Variants in ADAMTS14 observed in about 807,000 individuals in gnomAD.
ADAMTS14 encodes the protein ADAM metallopeptidase with thrombospondin type 1 motif 14.
ADAMTS14 carries 100 observed loss-of-function variants against 128.6 expected under a neutral mutation model. The ratio of observed to expected loss-of-function variants is 0.78; its 90% CI spans 0.66 to 0.92. The LOEUF is 0.92. Ranked by LOEUF, ADAMTS14 falls within the 40% of genes least tolerant of loss-of-function variation. The probability of loss-of-function intolerance (pLI) is 0.00; values close to 1 mark genes in which losing one functional copy is unlikely to be tolerated. For synonymous variants in ADAMTS14, 665 were observed against 653.8 expected (o/e 1.02, Z -0.26); for missense variants, 1,562 against 1,658.6 (o/e 0.94, Z 1.01).
At chr10:70,678,926 C>A (rs529584951) in intron 2 of ADAMTS14, among the ~76,000 whole-genome samples, 1 of 151,924 alleles carries the variant, frequency 6.6e-6, no homozygotes, top group Admixed American at 6.6e-5. Flanking sequence ...ATGCCTAACA[C>A]TGGGGTATGG....
At chr10:70,697,161 C>T (rs1439762282) in intron 2 of ADAMTS14, among the ~76,000 whole-genome samples, 1 of 152,246 alleles carries the variant, frequency 6.6e-6, no homozygotes, top group Non-Finnish European at 1.5e-5. Context: ...CTACTTTCTC[C>T]TCTGGGGAAG....
At chr10:70,735,067 A>G (rs1841781350) in intron 8 of ADAMTS14, 102 bp from the exon 9 acceptor site, 2 of 1,466,954 alleles carry the variant, frequency 1.4e-6, no homozygotes, top group African/African-American at 2.8e-5. Flanking sequence ...AGCGGGTGCA[A>G]ATTCTTGCAG....
At chr10:70,716,221 G>A (rs1229765022) in intron 4 of ADAMTS14, among the ~76,000 whole-genome samples, 1 of 152,216 alleles carries the variant, frequency 6.6e-6, no homozygotes, top group Non-Finnish European at 1.5e-5. Context: ...CTGGAAGGCC[G>A]CTAGAGGCTA....
rs772830443 is a variant in ADAMTS14 at position 70,707,540 on chromosome 10, T to G, written c.680-1048T>G. 1.4e-4 allele frequency among the ~76,000 whole-genome samples: 22 copies of G among 152,084 alleles called. 1 individual carries two copies. The highest frequency in any genetic ancestry group is 1.2e-4 in the Non-Finnish European group (8 of 68,022). ...CCCTCACTCCACCGCCCCAGCAGAG[T>G]GTATTCTATCTTCATTCAGGCTATA... On this transcript the variant is annotated intron_variant, in intron 3 of 21. Coordinates refer to ENST00000373207, the MANE Select transcript of ADAMTS14 (RefSeq NM_080722.4).
chr10:70,708,841 ACT>A, intron 4 of ADAMTS14, 63 bp downstream of exon 4: 2 of 1,263,062 alleles, frequency 1.6e-6, no homozygotes, highest in African/African-American at 1.5e-5. Context: ...ACCCCACCCC[ACT>A]GGGCCCCAGT....
rs548508597 is a variant in ADAMTS14, at chr10:70,717,965, G to T, written c.870+9187G>T. ...GAGCCCCTTTCTGAGCCTGGGGCCT[G>T]CTCAGATGGCCTGTATAGAAGAGCT... On this transcript the variant is annotated intron_variant, in intron 4 of 21. Transcript: ENST00000373207. Among the ~76,000 whole-genome samples, 14 of 152,316 alleles carry T rather than the reference G, an allele frequency of 9.2e-5. No individual in the cohort carries two copies. In the South Asian group the frequency reaches 2.9e-3, roughly 32 times the overall value.
chr10:70,687,323 C>T (rs1205642728), intron 2 of ADAMTS14, among the ~76,000 whole-genome samples: 4 of 94,968 alleles, frequency 4.2e-5, no homozygotes, highest in Non-Finnish European at 6.7e-5. Context: ...GGGCGGCTGG[C>T]CGGGCGGGGG....
intron 2 of ADAMTS14, among the ~76,000 whole-genome samples, chr10:70,678,083 C>T (rs956023102): frequency 6.6e-6 from 1 of 152,194 alleles, no homozygotes; most frequent in African/African-American, 2.4e-5. Context: ...CTTCCTGTGG[C>T]CCAGACACAG....
chr10:70,709,960 C>T (rs534575224), intron 4 of ADAMTS14, among the ~76,000 whole-genome samples: 3 of 152,242 alleles, frequency 2.0e-5, no homozygotes, highest in African/African-American at 7.2e-5. Flanking sequence ...TGGCCTTTGT[C>T]AGGGTGCCTG....
intron 2 of ADAMTS14, among the ~76,000 whole-genome samples, chr10:70,675,770 G>T (rs1191670271): frequency 1.3e-5 from 2 of 152,214 alleles, no homozygotes; most frequent in Non-Finnish European, 2.9e-5. Flanking sequence ...TCCCCTCGCT[G>T]CTCCTCCTCA....
At position 70,751,573 on chromosome 10, in the gene ADAMTS14, G is replaced by A. The variant is rs139419971; in HGVS notation, c.2523G>A (p.Val841=). The part of the protein sequence containing the change: ...DLLPLIGSNN[V]LLEEMDTYEW... ...TGCCCCTTATCGGGAGCAACAATGT[G>A]CTCCTGGAGGAGATGGACACCTATG... The change falls in exon 17 of 22, where the codon GTG becomes GTA. Residue 841 remains valine (V), a synonymous_variant. Transcript: ENST00000373207. 95 of 1,613,928 alleles carry A rather than the reference G, an allele frequency of 5.9e-5. No homozygotes were observed. In the African/African-American group the frequency reaches 1.1e-3, roughly 18 times the overall value.
At chr10:70,741,246 T>C in intron 12 of ADAMTS14, 84 bp downstream of exon 12, 1 of 1,475,322 alleles carries the variant, frequency 6.8e-7, no homozygotes. Context: ...CTCCTACCCC[T>C]ACATACACCA....
chr10:70,757,119 T>C (rs1261879298), intron 19 of ADAMTS14, among the ~76,000 whole-genome samples: 2 of 152,084 alleles, frequency 1.3e-5, no homozygotes, highest in African/African-American at 2.4e-5. Flanking sequence ...ATCTAAAAGG[T>C]GACCCAGTCA....
rs72814543 is a variant in ADAMTS14, at chr10:70,694,559, C to T, written c.523-7753C>T. On this transcript the variant is annotated intron_variant, in intron 2 of 21. Coordinates refer to ENST00000373207, the MANE Select transcript of ADAMTS14 (RefSeq NM_080722.4). ...ACATTACCCCAGCCCTTGGCAGTGA[C>T]GAATCTACTTTCTATCTCTGTGGAT... Among the ~76,000 whole-genome samples, 601 of 152,234 alleles carry T rather than the reference C, an allele frequency of 3.9e-3. 4 individuals carry two copies. Among genetic ancestry groups the T allele is most frequent in the South Asian group, 7.5e-3 (36 of 4,810 alleles).
chr10:70,702,619 G>T (rs1194631460), intron 3 of ADAMTS14, 151 bp downstream of exon 3: 2 of 1,092,886 alleles, frequency 1.8e-6, no homozygotes, highest in East Asian at 5.5e-5. Context: ...TACTGGCAGA[G>T]AAACCCCATT....
intron 4 of ADAMTS14, among the ~76,000 whole-genome samples, chr10:70,723,601 A>G (rs7096308): frequency 0.39 from 58,661 of 151,762 alleles, 11,813 homozygotes; most frequent in African/African-American, 0.49. Flanking sequence ...GAAGCAATGC[A>G]AGGAGGCGCT....
At position 70,749,980 on chromosome 10, in the gene ADAMTS14, A is replaced by G. The variant is rs532893928; in HGVS notation, c.2422A>G (p.Ile808Val). Residue 808 changes from isoleucine (I) to valine (V), a missense_variant, in exon 16 of 22, where the codon ATC becomes GTC. Physicochemically the swap from Ile to Val is conservative, Grantham distance 29 (BLOSUM62 3). Transcript: ENST00000373207. ...CGGGCCCCTGCCTGAAGCCATTGCC[A>G]TCCTGGTGAGCCCCACTCTGTGCGG... ...TSGPLPEAIA[I>V]LALPPTEGGP... 6.2e-7 allele frequency: 1 copy of G among 1,613,902 alleles called. No homozygotes were observed. Among genetic ancestry groups the G allele is most frequent in the East Asian group, 2.2e-5 (1 of 44,872 alleles).
rs1027279770 is a variant in ADAMTS14, at chr10:70,693,897, G to A, written c.523-8415G>A. Among the ~76,000 whole-genome samples the A allele has an allele frequency of 2.0e-5, 3 of 152,320 alleles. 1 individual carries two copies. The highest frequency in any genetic ancestry group is 6.8e-3 in the Middle Eastern group (2 of 294). On this transcript the variant is annotated intron_variant, in intron 2 of 21. Transcript: ENST00000373207. ...TGAACCTTTGGCTTGTTGTGGCAGCGCTGATGGTGCTGGTATGGGGTGCCG... is the reference window on the plus strand; with the variant it reads ...TGAACCTTTGGCTTGTTGTGGCAGCACTGATGGTGCTGGTATGGGGTGCCG...
At chr10:70,701,318 C>T (rs775166492) in intron 2 of ADAMTS14, among the ~76,000 whole-genome samples, 2 of 152,236 alleles carry the variant, frequency 1.3e-5, no homozygotes, top group Non-Finnish European at 2.9e-5. Flanking sequence ...TTCACTGCTT[C>T]GTGTTCACAG....
Sources: gnomAD v4.1 joint callset for allele counts (sites outside exome capture counted in the v4.1 genomes callset) on GRCh38, gnomAD v4.1.1 for gene constraint, MANE v1.5 for transcripts, NCBI Gene and HGNC (gene_info 2026-07-23, HGNC 2026-07-21) for gene names.